DIAPH3: variants seen among roughly 807,000 people sequenced by gnomAD.
DIAPH3 encodes the protein diaphanous related formin 3, also known as protein diaphanous homolog 3.
Under a neutral mutation model 144.3 loss-of-function variants are expected in DIAPH3, and 117 were observed. The observed-to-expected ratio is 0.81, with a 90% CI of 0.70 to 0.95. The LOEUF (loss-of-function observed/expected upper bound fraction) is 0.95. Among genes scored for constraint, DIAPH3 ranks in the 40% least tolerant of loss-of-function variants. The pLI, the probability that DIAPH3 is intolerant of heterozygous loss-of-function variation, is 0.00. For synonymous variants in DIAPH3, 519 were observed against 488.9 expected, an observed-to-expected ratio of 1.06 and a Z score of -0.81; for missense variants, 1,421 against 1,412.7, an observed-to-expected ratio of 1.01 and a Z score of -0.09.
chr13:60,070,836 C>T lies in DIAPH3; in HGVS notation c.495+22792G>A, dbSNP rs116104771. On this transcript the variant is annotated intron_variant, in intron 4 of 27. Coordinates refer to ENST00000400324, the MANE Select transcript of DIAPH3 (RefSeq NM_001042517.2). ...ATTTTCACTACCCATGTCAGTATTC[C>T]TAAGTCTCCACATGTTTATACAAAG... Among the ~76,000 whole-genome samples the T allele has an allele frequency of 4.7e-3, 718 of 152,198 alleles. 7 individuals are homozygous for T. The highest frequency in any genetic ancestry group is 0.015 in the African/African-American group (639 of 41,524).
At chr13:59,925,015 A>G in intron 17 of DIAPH3, 145 bp from the exon 18 acceptor site, 1 of 1,393,378 alleles carries the variant, frequency 7.2e-7, no homozygotes, top group Non-Finnish European at 9.5e-7. Flanking sequence ...AACGATAGAT[A>G]TCCCAAGACC....
At chr13:59,971,377 A>C (rs2050366863) in intron 15 of DIAPH3, among the ~76,000 whole-genome samples, 1 of 152,204 alleles carries the variant, frequency 6.6e-6, no homozygotes, top group Non-Finnish European at 1.5e-5. Flanking sequence ...TAATTGCCAG[A>C]AGTATAATTC....
At chr13:59,780,996 G>A (rs1252564275) in intron 25 of DIAPH3, among the ~76,000 whole-genome samples, 1 of 152,178 alleles carries the variant, frequency 6.6e-6, no homozygotes, top group Non-Finnish European at 1.5e-5. Context: ...ATCAGAAGAG[G>A]TGGCATCTTG....
At chr13:59,735,958 C>A (rs1165146682) in intron 27 of DIAPH3, among the ~76,000 whole-genome samples, 1 of 152,100 alleles carries the variant, frequency 6.6e-6, no homozygotes, top group Non-Finnish European at 1.5e-5. Context: ...AACCCTCTGA[C>A]AGGCCCCAGT....
chr13:59,892,410 G>GA (rs1707028837), intron 20 of DIAPH3, among the ~76,000 whole-genome samples: 1 of 151,704 alleles, frequency 6.6e-6, no homozygotes, highest in Admixed American at 6.6e-5. Context: ...AAGGGTCAAA[G>GA]AAAAAACTGA....
At chr13:60,101,325 T>C (rs988389968) in intron 3 of DIAPH3, among the ~76,000 whole-genome samples, 8 of 152,136 alleles carry the variant, frequency 5.3e-5, no homozygotes, top group African/African-American at 1.9e-4. Context: ...TCCGATTTCC[T>C]TGGGGCTAGT....
At chr13:59,741,342 A>G (rs922218088) in intron 27 of DIAPH3, among the ~76,000 whole-genome samples, 2 of 152,208 alleles carry the variant, frequency 1.3e-5, no homozygotes, top group Admixed American at 1.3e-4. Flanking sequence ...CTCTTGCAGC[A>G]TTTATGCTAT....
intron 25 of DIAPH3, among the ~76,000 whole-genome samples, chr13:59,781,636 G>C (rs1437930321): frequency 6.6e-6 from 1 of 152,178 alleles, no homozygotes; most frequent in Non-Finnish European, 1.5e-5. Flanking sequence ...TTTGCAAAAT[G>C]ATTGCTGATT....
Position 60,036,374 on chromosome 13 carries a change from G to A in DIAPH3, c.626+6316C>T, listed in dbSNP as rs544786113. ...CCTATATATATATATTGTCCAAAAT[G>A]GTAGCCACTAACTACATGTGGCTCT... is the stretch of plus-strand genomic sequence containing the variant. On this transcript the variant is annotated intron_variant, in intron 5 of 27. Transcript: ENST00000400324. 2.6e-4 allele frequency among the ~76,000 whole-genome samples: 39 copies of A among 152,026 alleles called. 1 individual carries two copies. The highest frequency in any genetic ancestry group is 3.4e-3 in the Middle Eastern group (1 of 292).
At chr13:60,006,047 T>C (rs2052856482) in intron 9 of DIAPH3, among the ~76,000 whole-genome samples, 1 of 152,176 alleles carries the variant, frequency 6.6e-6, no homozygotes, top group Admixed American at 6.5e-5. Flanking sequence ...GCACCTTCAA[T>C]AAAAGCAGAA....
intron 27 of DIAPH3, among the ~76,000 whole-genome samples, chr13:59,754,368 C>T (rs949706): frequency 0.39 from 59,420 of 151,780 alleles, 12,050 homozygotes; most frequent in African/African-American, 0.5. Flanking sequence ...CACTCAACAG[C>T]GTCTGACACG....
At chr13:59,806,465 G>A (rs969460710) in intron 25 of DIAPH3, among the ~76,000 whole-genome samples, 1 of 151,944 alleles carries the variant, frequency 6.6e-6, no homozygotes, top group Non-Finnish European at 1.5e-5. Flanking sequence ...AACTTCTGAG[G>A]ATTTTTATTA....
At chr13:59,912,692 C>T (rs2047052002) in intron 19 of DIAPH3, among the ~76,000 whole-genome samples, 1 of 152,156 alleles carries the variant, frequency 6.6e-6, no homozygotes, top group South Asian at 2.1e-4. Context: ...GTGGTTGGTG[C>T]TCACAATTCC....
intron 4 of DIAPH3, among the ~76,000 whole-genome samples, chr13:60,069,962 CT>C (rs1166296887): frequency 6.6e-6 from 1 of 151,998 alleles, no homozygotes; most frequent in African/African-American, 2.4e-5. Context: ...TATTCAAGCT[CT>C]TTTTTGGCTC....
At chr13:59,707,102 A>G (rs2034472796) in intron 27 of DIAPH3, among the ~76,000 whole-genome samples, 1 of 152,186 alleles carries the variant, frequency 6.6e-6, no homozygotes, top group Non-Finnish European at 1.5e-5. Flanking sequence ...ATGAAGTCAT[A>G]TTCATTACAC....
chr13:59,720,244 T>C (rs1213849658), intron 27 of DIAPH3, among the ~76,000 whole-genome samples: 1 of 152,150 alleles, frequency 6.6e-6, no homozygotes, highest in Admixed American at 6.5e-5. Flanking sequence ...TATAATCTTA[T>C]TGGGCCACCA....
In DIAPH3 at chr13:60,044,410, A is replaced by G. The variant is rs551555081; in HGVS notation, c.496-1590T>C. The G allele has an allele frequency of 2.0e-5, 3 of 152,344 alleles. No individual in the cohort carries two copies. The South Asian group carries it at 6.2e-4, about 32-fold the overall frequency. The allele number at this position is 152,344 out of a possible 1,614,324, so 9.4% of individuals were successfully genotyped here. A position where few individuals can be genotyped will look rare whatever the true frequency, so the allele number is the denominator to read the frequency against. ...TCAAAGTAGTAATTTAATAAAGAAG[A>G]ATTCAATGGTACAATCTCCGAAAAT... On this transcript the variant is annotated intron_variant, in intron 4 of 27. Transcript: ENST00000400324.
rs188540904 is a variant in DIAPH3 at position 60,106,188 on chromosome 13, T to C, written c.390+5822A>G. ...ACAGCTCTTAGATATTAAGGTTTATTATACAGTTGTGGTGACTAAGACAAC... is the reference window on the plus strand; with the variant it reads ...ACAGCTCTTAGATATTAAGGTTTATCATACAGTTGTGGTGACTAAGACAAC... On this transcript the variant is annotated intron_variant, in intron 3 of 27. Transcript: ENST00000400324. Among the ~76,000 whole-genome samples the C allele has an allele frequency of 2.6e-3, 392 of 152,286 alleles. 4 individuals are homozygous for C. Among genetic ancestry groups the C allele is most frequent in the Admixed American group, 0.023 (350 of 15,306 alleles).
chr13:60,026,810 T>C (rs1490786540), intron 5 of DIAPH3, among the ~76,000 whole-genome samples: 1 of 152,178 alleles, frequency 6.6e-6, no homozygotes, highest in African/African-American at 2.4e-5. Context: ...CTTTTGCATA[T>C]TTTCTTATTG....
Sources: allele counts gnomAD v4.1 joint callset (sites outside exome capture counted in the v4.1 genomes callset), GRCh38; gene constraint gnomAD v4.1.1; transcripts MANE v1.5; gene names NCBI Gene and HGNC (gene_info 2026-07-23, HGNC 2026-07-21).